The following SYNJ1 variants were observed in gnomAD, a reference collection of about 807,000 sequenced individuals.
SYNJ1 encodes synaptojanin 1, also known as polyphosphatidylinositol phosphatase SYNJ1.
SYNJ1 carries 78 observed loss-of-function variants against 168.2 expected under a neutral mutation model. The ratio of observed to expected loss-of-function variants is 0.46; its 90% confidence interval spans 0.39 to 0.56. The LOEUF is 0.56. Ranked by LOEUF, SYNJ1 falls within the 20% of genes least tolerant of loss-of-function variation. The pLI is 0.00. For synonymous variants in SYNJ1, 539 were observed against 548.6 expected (o/e 0.98, Z 0.24); for missense variants, 1,303 against 1,597.6 (o/e 0.82, Z 3.14).
At chr21:32,652,253 T>C (rs1313023953) in intron 22 of SYNJ1, among the ~76,000 whole-genome samples, 1 of 151,454 alleles carries the variant, frequency 6.6e-6, no homozygotes, top group Non-Finnish European at 1.5e-5. Flanking sequence ...CAGGCTGGAG[T>C]GCACTGGTGC....
Position 32,697,030 on chromosome 21 carries a change from A to T in SYNJ1, c.480-1748T>A, listed in dbSNP as rs557250354. 7.9e-5 allele frequency among the ~76,000 whole-genome samples: 12 copies of T among 152,348 alleles called. No individual in the cohort carries two copies. In the South Asian group the frequency reaches 1.7e-3, roughly 21 times the overall value. On this transcript the variant is annotated intron_variant, in intron 4 of 32. Transcript: ENST00000674351. ...AGACCTACGCCACAGCAAAGTTATA[A>T]GAAACTTACTTGTCCTCATTTAAAT...
rs370792757 is a variant in SYNJ1 at position 32,685,958 on chromosome 21, A to G, written c.949-41T>C. On this transcript the variant is annotated intron_variant, in intron 8 of 32. Transcript: ENST00000674351. ...CAAATATTCATCTAAATGAAAGTAA[A>G]AAGGCAAATATCCATCTAAATATTC... 3.2e-6 allele frequency: 5 copies of G among 1,577,338 alleles called. No individual in the cohort carries two copies. In the African/African-American group the frequency reaches 6.8e-5, roughly 22 times the overall value.
chr21:32,674,497 G>A (rs1199150042), intron 13 of SYNJ1, among the ~76,000 whole-genome samples: 2 of 152,146 alleles, frequency 1.3e-5, no homozygotes, highest in Non-Finnish European at 2.9e-5. Flanking sequence ...GGGCAGACAT[G>A]TTAGTCTGTT....
At chr21:32,722,201 AAAAAAT>A (rs1165460484) in intron 2 of SYNJ1, among the ~76,000 whole-genome samples, 12,656 of 112,552 alleles carry the variant, frequency 0.11, 406 homozygotes, top group Non-Finnish European at 0.13. Flanking sequence ...AAAAAAAAAA[AAAAAAT>A]ATATATATAT....
intron 31 of SYNJ1, among the ~76,000 whole-genome samples, chr21:32,637,259 T>C (rs1455045146): frequency 3.3e-5 from 5 of 151,834 alleles, no homozygotes; most frequent in African/African-American, 9.7e-5. Flanking sequence ...TGCCCTTCAA[T>C]TACATTTTAA....
intron 32 of SYNJ1, among the ~76,000 whole-genome samples, chr21:32,634,165 T>C (rs2039461650): frequency 6.6e-6 from 1 of 152,204 alleles, no homozygotes; most frequent in Non-Finnish European, 1.5e-5. Context: ...TTTAAACACC[T>C]TTATTTGCAT....
intron 32 of SYNJ1, among the ~76,000 whole-genome samples, chr21:32,632,202 C>T (rs1410610340): frequency 6.6e-6 from 1 of 152,140 alleles, no homozygotes; most frequent in Non-Finnish European, 1.5e-5. Context: ...TTCTAACACC[C>T]ATCTATGATG....
At chr21:32,655,669 T>C (rs992258448) in intron 21 of SYNJ1, among the ~76,000 whole-genome samples, 15 of 152,118 alleles carry the variant, frequency 9.9e-5, no homozygotes, top group African/African-American at 2.9e-4. Flanking sequence ...GCAACTAGTA[T>C]AGAGATCTGC....
intron 2 of SYNJ1, among the ~76,000 whole-genome samples, chr21:32,703,958 C>T (rs2042506336): frequency 6.6e-6 from 1 of 152,068 alleles, no homozygotes; most frequent in African/African-American, 2.4e-5. Flanking sequence ...CGGGCTCAAG[C>T]AATCCTCCTG....
chr21:32,641,876 C>A lies in SYNJ1; in HGVS notation c.3588+20G>T. 6.3e-7 allele frequency: 1 copy of A among 1,589,580 alleles called. No individual in the cohort carries two copies. The highest frequency in any genetic ancestry group is 1.4e-5 in the African/African-American group (1 of 73,542). On this transcript the variant is annotated intron_variant, in intron 29 of 32. Coordinates refer to ENST00000674351, the MANE Select transcript of SYNJ1 (RefSeq NM_203446.3). ...GACTTAGAACCGAGACCCCTTGGCC[C>A]CAGGCGAGGTTTTACCTACCGGTCT...
chr21:32,632,461 C>T (rs888408351), intron 32 of SYNJ1, among the ~76,000 whole-genome samples: 8 of 151,726 alleles, frequency 5.3e-5, no homozygotes, highest in Admixed American at 4.6e-4. Context: ...TTTTGGCTCA[C>T]TGCAACCTCC....
chr21:32,661,622 A>G (rs887456798), intron 18 of SYNJ1, among the ~76,000 whole-genome samples: 2 of 152,196 alleles, frequency 1.3e-5, no homozygotes, highest in South Asian at 2.1e-4. Flanking sequence ...CATGCCGCCT[A>G]CTGACCTCAG....
rs1299635688 is a variant in SYNJ1, at chr21:32,645,767, T to G, written c.3270A>C (p.Pro1090=). ...GGTCTTTCTGCGGCAGCGGCGTTGC[T>G]GGCTGCGCGTCAATAGGAGAACCTA... The part of the protein sequence containing the change: ...SAQSSPIDAQ[P]ATPLPQKDPA... Residue 1090 remains proline, a synonymous_variant, in exon 25 of 33, where the codon CCA becomes CCC. Coordinates refer to ENST00000674351, the MANE Select transcript of SYNJ1 (RefSeq NM_203446.3). 2.7e-6 allele frequency: 4 copies of G among 1,468,090 alleles called. No homozygotes were observed. The highest frequency in any genetic ancestry group is 3.6e-6 in the Non-Finnish European group (4 of 1,107,624). The allele number at this position is 1,468,090 out of a possible 1,614,324, so 90.9% of individuals were successfully genotyped here. A position where few individuals can be genotyped will look rare whatever the true frequency, so the allele number is the denominator to read the frequency against.
chr21:32,692,030 A>G (rs1429706530), intron 6 of SYNJ1, among the ~76,000 whole-genome samples: 1 of 152,218 alleles, frequency 6.6e-6, no homozygotes, highest in African/African-American at 2.4e-5. Context: ...TGTCGGAGCT[A>G]GTAGGAAGCA....
intron 6 of SYNJ1, among the ~76,000 whole-genome samples, chr21:32,688,571 T>C (rs2041914189): frequency 6.6e-6 from 1 of 151,948 alleles, no homozygotes; most frequent in African/African-American, 2.4e-5. Context: ...ACCAACCTCA[T>C]CAAAAAAAGA....
At chr21:32,720,873 T>G (rs1382273120) in intron 2 of SYNJ1, among the ~76,000 whole-genome samples, 2 of 152,252 alleles carry the variant, frequency 1.3e-5, no homozygotes, top group African/African-American at 2.4e-5. Context: ...AGGATATAAT[T>G]ATGAAATGAA....
chr21:32,646,508 A>G lies in SYNJ1; in HGVS notation c.3132T>C (p.Ser1044=). The change falls in exon 24 of 33, where the codon TCT becomes TCC. Residue 1044 remains serine, a synonymous_variant. Transcript: ENST00000674351. ...ACTGGCAGGGACTAGTTCGGGGTGA[A>G]GAGCTGGGGGAAGTACCAAGGCCGG... ...SSSGLGTSPS[S]SPRTSPCQSP... 1 of 1,614,120 alleles carries G rather than the reference A, an allele frequency of 6.2e-7. No homozygotes were observed. The highest frequency in any genetic ancestry group is 8.5e-7 in the Non-Finnish European group (1 of 1,180,006).
chr21:32,637,339 A>T (rs1221980575), intron 31 of SYNJ1, among the ~76,000 whole-genome samples: 1 of 152,060 alleles, frequency 6.6e-6, no homozygotes, highest in Non-Finnish European at 1.5e-5. Context: ...AGCAGAAAAA[A>T]AAAATCATTA....
chr21:32,700,621 C>T (rs1248413947), intron 3 of SYNJ1, among the ~76,000 whole-genome samples: 3 of 152,134 alleles, frequency 2.0e-5, no homozygotes, highest in Admixed American at 6.5e-5. Context: ...CACCATTGCA[C>T]TCCAGCCTGG....
Sources: allele counts gnomAD v4.1 joint callset (sites outside exome capture counted in the v4.1 genomes callset), GRCh38; gene constraint gnomAD v4.1.1; transcripts MANE v1.5; gene names NCBI Gene and HGNC (gene_info 2026-07-23, HGNC 2026-07-21).